The following RSBN1L variants were observed in gnomAD, a reference collection of about 807,000 sequenced individuals.
RSBN1L encodes the protein round spermatid basic protein 1 like, also known as lysine-specific demethylase RSBN1L.
In RSBN1L, 30 loss-of-function variants were observed where a neutral mutation model predicts 67.7. That is an observed-to-expected ratio of 0.44 (90% CI 0.33 to 0.60). The LOEUF is 0.60. Ranked by LOEUF, RSBN1L falls within the 20% of genes least tolerant of loss-of-function variation. RSBN1L has a pLI of 0.02. For synonymous variants in RSBN1L, 433 were observed against 387.0 expected, an observed-to-expected ratio of 1.12 and a Z score of -1.39; for missense variants, 992 against 1,031.7, an observed-to-expected ratio of 0.96 and a Z score of 0.53.
chr7:77,703,477 G>GTTTTTTTTT lies in RSBN1L; in HGVS notation c.586+6444_586+6452dup, dbSNP rs71529102. ...GTGTCTCTTTTTTCCTACTGTTTGG[G>GTTTTTTTTT]TTTTTTTTTTTTTTTTTTTTTTTTT... On this transcript the variant is annotated intron_variant, in intron 1 of 7. Transcript: ENST00000334955. 5.8e-4 allele frequency among the ~76,000 whole-genome samples: 36 copies of GTTTTTTTTT among 61,604 alleles called. 1 individual carries two copies. Among genetic ancestry groups the GTTTTTTTTT allele is most frequent in the East Asian group, 1.3e-3 (2 of 1,544 alleles). 40.4% of individuals were successfully genotyped at this position (61,604 alleles called of 152,430 possible). A position where few individuals can be genotyped will look rare whatever the true frequency, so the allele number is the denominator to read the frequency against.
intron 4 of RSBN1L, among the ~76,000 whole-genome samples, chr7:77,766,985 A>C (rs1412107883): frequency 6.6e-6 from 1 of 151,520 alleles, no homozygotes; most frequent in Non-Finnish European, 1.5e-5. Context: ...AAAGCACATG[A>C]ACTAAATGCA....
intron 2 of RSBN1L, among the ~76,000 whole-genome samples, chr7:77,743,906 T>G (rs1423385564): frequency 6.6e-6 from 1 of 152,144 alleles, no homozygotes; most frequent in Non-Finnish European, 1.5e-5. Context: ...TCATTTTTTT[T>G]GTAGAGATGA....
intron 3 of RSBN1L, among the ~76,000 whole-genome samples, chr7:77,764,842 A>G (rs1168930579): frequency 6.6e-6 from 1 of 152,108 alleles, no homozygotes; most frequent in Admixed American, 6.5e-5. Flanking sequence ...CATGTTGGCC[A>G]GGATGGTCTT....
intron 5 of RSBN1L, among the ~76,000 whole-genome samples, chr7:77,769,296 G>A (rs1255070836): frequency 2.0e-5 from 3 of 152,162 alleles, no homozygotes; most frequent in African/African-American, 7.2e-5. Context: ...GGCAGCTTAT[G>A]ATACAGGATA....
chr7:77,731,337 C>G (rs1791269063), intron 1 of RSBN1L, among the ~76,000 whole-genome samples: 1 of 152,090 alleles, frequency 6.6e-6, no homozygotes, highest in Non-Finnish European at 1.5e-5. Context: ...AACCTCTCAC[C>G]TAAAACTCCC....
chr7:77,737,400 T>C (rs1349657313), intron 2 of RSBN1L, among the ~76,000 whole-genome samples: 1 of 152,220 alleles, frequency 6.6e-6, no homozygotes, highest in Admixed American at 6.5e-5. Flanking sequence ...ACACTGCATA[T>C]GTAGCAAAAT....
At chr7:77,725,890 AT>A (rs1171639355) in intron 1 of RSBN1L, among the ~76,000 whole-genome samples, 3 of 152,032 alleles carry the variant, frequency 2.0e-5, no homozygotes, top group Non-Finnish European at 2.9e-5. Flanking sequence ...GGCTAAGATT[AT>A]CTAGTTTATT....
rs778743924 is a variant in RSBN1L at position 77,749,795 on chromosome 7, G to T, written c.1075G>T (p.Ala359Ser). The T allele has an allele frequency of 1.2e-6, 2 of 1,614,052 alleles. No individual in the cohort carries two copies. Among genetic ancestry groups the T allele is most frequent in the African/African-American group, 2.7e-5 (2 of 74,924 alleles). ...IHIEHQPNGG[A>S]SVIHAYSNEL... is the part of the protein sequence containing the mutation. The stretch of plus-strand genomic sequence containing the variant: ...TATAGAGCACCAGCCTAATGGAGGT[G>T]CATCGGTTATCCATGCCTACAGTAA... The change falls in exon 3 of 8, where the codon GCA (alanine) becomes TCA (serine). Residue 359 changes from alanine (A) to serine (S), a missense_variant. Around this residue, in one of 7 missense-constraint regions of RSBN1L, gnomAD observed 575 missense variants for 483.2 expected, o/e 1.19. Transcript: ENST00000334955.
At chr7:77,724,611 A>C (rs1791170349) in intron 1 of RSBN1L, among the ~76,000 whole-genome samples, 1 of 151,158 alleles carries the variant, frequency 6.6e-6, no homozygotes, top group African/African-American at 2.4e-5. Flanking sequence ...TTTTTAGTAG[A>C]GATGGGGTTT....
intron 3 of RSBN1L, among the ~76,000 whole-genome samples, chr7:77,757,004 C>T (rs1248554381): frequency 2.0e-5 from 3 of 152,178 alleles, no homozygotes; most frequent in Middle Eastern, 6.3e-3. Context: ...AAACCAAGTT[C>T]ATGATGAATT....
chr7:77,733,740 T>G (rs1791298425), intron 1 of RSBN1L, among the ~76,000 whole-genome samples: 1 of 152,206 alleles, frequency 6.6e-6, no homozygotes. Context: ...ATGATAGTTT[T>G]ATTTCCCTAG....
intron 1 of RSBN1L, among the ~76,000 whole-genome samples, chr7:77,709,971 C>G (rs1192395687): frequency 6.6e-6 from 1 of 152,156 alleles, no homozygotes; most frequent in Admixed American, 6.5e-5. Context: ...TGTCTCAGTA[C>G]CATATACCTA....
At chr7:77,703,477 G>GT (rs71529102) in intron 1 of RSBN1L, among the ~76,000 whole-genome samples, 6,012 of 61,482 alleles carry the variant, frequency 0.098, 1,568 homozygotes, top group East Asian at 0.28. Flanking sequence ...TACTGTTTGG[G>GT]TTTTTTTTTT....
At chr7:77,763,693 A>T (rs1056033708) in intron 3 of RSBN1L, among the ~76,000 whole-genome samples, 11 of 152,146 alleles carry the variant, frequency 7.2e-5, no homozygotes, top group African/African-American at 2.7e-4. Flanking sequence ...AGCTGTTCTT[A>T]TATTTGTTTG....
chr7:77,768,815 A>G lies in RSBN1L; in HGVS notation c.1625+12A>G, dbSNP rs1199691652. The G allele has an allele frequency of 1.2e-6, 2 of 1,612,922 alleles. No individual in the cohort carries two copies. The highest frequency in any genetic ancestry group is 1.1e-5 in the South Asian group (1 of 91,022). On this transcript the variant is annotated intron_variant, in intron 5 of 7. Coordinates refer to ENST00000334955, the MANE Select transcript of RSBN1L (RefSeq NM_198467.3). ...TTCAAAAGGAAAAGGTATGTTGTAT[A>G]CACATTTTTATTGGAGGGGATGAGT... is the stretch of plus-strand genomic sequence containing the variant.
intron 2 of RSBN1L, among the ~76,000 whole-genome samples, chr7:77,742,207 A>ACACACG (rs2150423102): frequency 6.7e-6 from 1 of 149,928 alleles, no homozygotes; most frequent in Admixed American, 6.6e-5. Context: ...ACACACACAC[A>ACACACG]CACACACACA....
At chr7:77,701,170 ACAACAAC>A (rs377575532) in intron 1 of RSBN1L, among the ~76,000 whole-genome samples, 1,810 of 128,330 alleles carry the variant, frequency 0.014, 34 homozygotes, top group African/African-American at 0.029. Flanking sequence ...AAAAAAAAAA[ACAACAAC>A]AACAACAACA....
rs953721626 is a variant in RSBN1L, at chr7:77,711,864, A to G, written c.586+14809A>G. Among the ~76,000 whole-genome samples the G allele has an allele frequency of 5.3e-5, 8 of 152,194 alleles. 1 individual carries two copies. The highest frequency in any genetic ancestry group is 1.9e-4 in the African/African-American group (8 of 41,440). On this transcript the variant is annotated intron_variant, in intron 1 of 7. Coordinates refer to ENST00000334955, the MANE Select transcript of RSBN1L (RefSeq NM_198467.3). ...ATGAGTGAAAACATACATGTTGTGT[A>G]ATATACAATGGAAAAACCATAGGAC...
chr7:77,759,973 G>A (rs1446128207), intron 3 of RSBN1L, among the ~76,000 whole-genome samples: 1 of 152,088 alleles, frequency 6.6e-6, no homozygotes, highest in African/African-American at 2.4e-5. Context: ...AACATGTTTT[G>A]GGAAACAGCA....
Sources: gnomAD v4.1 joint callset for allele counts (sites outside exome capture counted in the v4.1 genomes callset) on GRCh38, gnomAD v4.1.1 for gene constraint, gnomAD v4.1.1 regional missense constraint, MANE v1.5 for transcripts, NCBI Gene and HGNC (gene_info 2026-07-23, HGNC 2026-07-21) for gene names.